Variants in MYH6 observed in about 807,000 individuals in gnomAD.
MYH6 encodes myosin heavy chain 6.
MYH6 carries 126 observed loss-of-function variants against 223.2 expected under a neutral mutation model. The ratio of observed to expected loss-of-function variants is 0.56; its 90% CI spans 0.49 to 0.65. MYH6 has a LOEUF of 0.65. Among genes scored for constraint, MYH6 ranks in the 30% least tolerant of loss-of-function variants. The pLI is 0.00. For missense variants in MYH6, 2,040 were observed against 2,536.4 expected, an observed-to-expected ratio of 0.80 and a Z score of 4.20; for synonymous variants, 978 against 1,010.2, an observed-to-expected ratio of 0.97 and a Z score of 0.61.
In MYH6 at chr14:23,400,783, C is replaced by T. The variant is rs556536964; in HGVS notation, c.1336G>A (p.Ala446Thr). ...CGTGGCTGCTTGGTCTCCAGGGTGG[C>T]GTTGATGCGCGTCACCATCCAGTTG... ...MFNWMVTRIN[A>T]TLETKQPRQY... The change falls in exon 13 of 39, where the codon GCC becomes ACC. Residue 446 changes from alanine to threonine, a missense_variant. By Grantham distance (58) the Ala-to-Thr change is moderately conservative (BLOSUM62 0). Coordinates refer to ENST00000405093, the MANE Select transcript of MYH6 (RefSeq NM_002471.4). The T allele has an allele frequency of 3.7e-5, 59 of 1,614,220 alleles. No homozygotes were observed. In the East Asian group the frequency reaches 9.6e-4, roughly 26 times the overall value.
Position 23,387,828 on chromosome 14 carries a change from C to T in MYH6, c.4455G>A (p.Lys1485=), listed in dbSNP as rs376316942. ...EARSLSTELF[K]LKNAYEESLE... is the part of the protein sequence containing the mutation. The stretch of plus-strand genomic sequence containing the variant: ...GGGACTCCTCGTAGGCGTTCTTGAG[C>T]TTGAAGAGCTCTGTGCTGAGGGAGC... The change falls in exon 31 of 39, where the codon AAG becomes AAA. Residue 1485 remains lysine, a synonymous_variant. Transcript: ENST00000405093. The T allele has an allele frequency of 4.6e-5, 74 of 1,613,994 alleles. No homozygotes were observed. Among genetic ancestry groups the T allele is most frequent in the Admixed American group, 1.3e-4 (8 of 59,990 alleles).
intron 11 of MYH6, 21 bp downstream of exon 11, chr14:23,402,676 C>A: frequency 6.2e-7 from 1 of 1,613,478 alleles, no homozygotes. Context: ...CTCGAACGGC[C>A]GCAGCAGCCC....
rs374951442 is a variant in MYH6 at position 23,406,975 on chromosome 14, C to G, written c.201+48G>C. ...GCAAGTGGCTCCACCTCTGCATCTT[C>G]TTTCCCAGACCTCCTTCCCTTCTGC... On this transcript the variant is annotated intron_variant, in intron 3 of 38. Transcript: ENST00000405093. 41 of 1,600,580 alleles carry G rather than the reference C, an allele frequency of 2.6e-5. No individual in the cohort carries two copies. In the African/African-American group the frequency reaches 5.2e-4, roughly 20 times the overall value.
rs1298835458 is a variant in MYH6, at chr14:23,384,542, C to A, written c.5465G>T (p.Arg1822Leu). Reference protein sequence around the residue: ...KQLQKLEARVRELEGELEAEQ... With the variant: ...KQLQKLEARVLELEGELEAEQ... The stretch of plus-strand genomic sequence containing the variant: ...GGCCTCCAGCTCACCCTCCAGCTCC[C>A]GCACCCGCGCTTCCAGCTTCTGCAG... Residue 1822 changes from arginine to leucine, a missense_variant, in exon 36 of 39, where the codon CGG becomes CTG. Around this residue, in one of 4 missense-constraint regions of MYH6, gnomAD observed 1,203 missense variants for 1,400.2 expected, o/e 0.86. Transcript: ENST00000405093. 6.2e-7 allele frequency: 1 copy of A among 1,613,434 alleles called. No individual in the cohort carries two copies. The highest frequency in any genetic ancestry group is 1.7e-5 in the Admixed American group (1 of 60,022).
intron 7 of MYH6, 89 bp downstream of exon 7, chr14:23,404,622 C>T (rs1595063969): frequency 1.5e-6 from 2 of 1,327,268 alleles, no homozygotes; most frequent in Non-Finnish European, 1.1e-6. Flanking sequence ...GCTGTCCCCA[C>T]CACGTCACAG....
rs1169251131 is a variant in MYH6 at position 23,404,445 on chromosome 14, G to T, written c.643-57C>A. ...CCTCCATCCACCTCCAGGCAGTGGT[G>T]AGAGGGCAGGGAGGCTGCCCTGGCC... On this transcript the variant is annotated intron_variant, in intron 7 of 38. Transcript: ENST00000405093. The T allele has an allele frequency of 2.5e-6, 4 of 1,599,442 alleles. No homozygotes were observed. In the African/African-American group the frequency reaches 5.4e-5, roughly 21 times the overall value.
intron 13 of MYH6, 39 bp from the exon 14 acceptor site, chr14:23,400,465 G>T (rs1457455243): frequency 1.2e-6 from 2 of 1,613,752 alleles, no homozygotes; most frequent in South Asian, 1.1e-5. Context: ...TCAGAAAGTG[G>T]GTGTGAGTGG....
chr14:23,392,443 T>C (rs944844526), intron 25 of MYH6, 119 bp downstream of exon 25: 3 of 825,544 alleles, frequency 3.6e-6, no homozygotes, highest in Admixed American at 3.4e-5. Flanking sequence ...CAGGGATGGT[T>C]GGGTCTATGA....
rs1891035002 is a variant in MYH6 at position 23,386,641 on chromosome 14, G to A, written c.4651-18C>T. On this transcript the variant is annotated intron_variant, in intron 32 of 38. Coordinates refer to ENST00000405093, the MANE Select transcript of MYH6 (RefSeq NM_002471.4). ...AGGGAGGCCTGGGAAGGGGTGGGGC[G>A]AGGGCGGGCAGACAGGGCACAGGGC... 4.5e-6 allele frequency: 7 copies of A among 1,542,656 alleles called. No homozygotes were observed. Among genetic ancestry groups the A allele is most frequent in the Non-Finnish European group, 6.3e-6 (7 of 1,119,586 alleles).
chr14:23,389,477 C>A lies in MYH6; in HGVS notation c.3894G>T (p.Ala1298=). ...ELARQLEEKE[A]LISQLTRGKL... Reference sequence around the variant, plus strand: ...TCCCCCGGGTCAGCTGCGAGATTAGCGCCTCCTTTTCCTCTAGCTGCCGGG... The same window carrying A: ...TCCCCCGGGTCAGCTGCGAGATTAGAGCCTCCTTTTCCTCTAGCTGCCGGG... Residue 1298 remains alanine, a synonymous_variant, in exon 28 of 39, where the codon GCG becomes GCT. Coordinates refer to ENST00000405093, the MANE Select transcript of MYH6 (RefSeq NM_002471.4). 6.2e-7 allele frequency: 1 copy of A among 1,614,190 alleles called. No individual in the cohort carries two copies. Among genetic ancestry groups the A allele is most frequent in the Non-Finnish European group, 8.5e-7 (1 of 1,180,034 alleles).
chr14:23,387,986 C>G, intron 30 of MYH6, 63 bp from the exon 31 acceptor site: 1 of 1,607,914 alleles, frequency 6.2e-7, no homozygotes, highest in East Asian at 2.2e-5. Flanking sequence ...CTCCTGCTTC[C>G]CAGTGCCCCA....
At chr14:23,404,164 T>A in intron 8 of MYH6, 132 bp downstream of exon 8, 1 of 1,151,770 alleles carries the variant, frequency 8.7e-7, no homozygotes, top group Non-Finnish European at 1.3e-6. Flanking sequence ...GCCTATGCTC[T>A]CTTCCCACCA....
chr14:23,387,551 T>C lies in MYH6; in HGVS notation c.4628A>G (p.Gln1543Arg). The C allele has an allele frequency of 6.2e-7, 1 of 1,614,036 alleles. No individual in the cohort carries two copies. Among genetic ancestry groups the C allele is most frequent in the Non-Finnish European group, 8.5e-7 (1 of 1,180,020 alleles). Residue 1543 changes from glutamine (Q) to arginine (R), a missense_variant, in exon 32 of 39, where the codon CAG (glutamine) becomes CGG (arginine). Around this residue, in one of 4 missense-constraint regions of MYH6, gnomAD observed 1,203 missense variants for 1,400.2 expected, o/e 0.86. Coordinates refer to ENST00000405093, the MANE Select transcript of MYH6 (RefSeq NM_002471.4). ...KQLEVEKLEL[Q>R]SALEEAEASL... ...CACCTCTGCCTCCTCCAGGGCTGAC[T>C]GCAGCTCCAGCTTCTCCACCTCCAG...
At position 23,389,622 on chromosome 14, in the gene MYH6, G is replaced by T; in HGVS notation, c.3830C>A (p.Thr1277Asn). The T allele has an allele frequency of 6.2e-7, 1 of 1,614,240 alleles. No homozygotes were observed. Among genetic ancestry groups the T allele is most frequent in the Non-Finnish European group, 8.5e-7 (1 of 1,180,048 alleles). Residue 1277 changes from threonine (T) to asparagine (N), a missense_variant, in exon 27 of 39, where the codon ACC becomes AAC. Around this residue, in one of 4 missense-constraint regions of MYH6, gnomAD observed 1,203 missense variants for 1,400.2 expected, o/e 0.86. Coordinates refer to ENST00000405093, the MANE Select transcript of MYH6 (RefSeq NM_002471.4). ...CTCGGTCTGCAGCTTGGCTCGCTGG[G>T]TGGTGAAATCATTGAGGGAGCGTTG... Reference protein sequence around the residue: ...EAQRSLNDFTTQRAKLQTENG... With the variant: ...EAQRSLNDFTNQRAKLQTENG...
Position 23,402,732 on chromosome 14 carries a change from A to C in MYH6, c.967T>G (p.Ser323Ala), listed in dbSNP as rs1452932809. The change falls in exon 11 of 39, where the codon TCC (serine) becomes GCC (alanine). Residue 323 changes from serine to alanine, a missense_variant. Transcript: ENST00000405093. ...ATGAGCTCCTCGGAGTCATCAATGG[A>C]GGCCACGGACACCTCTCCCTGAGAC... is the stretch of plus-strand genomic sequence containing the variant. ...FVSQGEVSVA[S>A]IDDSEELMAT... 6.2e-7 allele frequency: 1 copy of C among 1,613,536 alleles called. No homozygotes were observed. The highest frequency in any genetic ancestry group is 1.7e-5 in the Admixed American group (1 of 59,976).
intron 23 of MYH6, 47 bp downstream of exon 23, chr14:23,393,295 C>T: frequency 6.2e-7 from 1 of 1,612,684 alleles, no homozygotes. Context: ...TTGGTGTTGC[C>T]TGCAAAATCT....
Position 23,400,815 on chromosome 14 carries a change from T to C in MYH6, c.1304A>G (p.Lys435Arg). 5.0e-6 allele frequency: 8 copies of C among 1,614,194 alleles called. No individual in the cohort carries two copies. Among genetic ancestry groups the C allele is most frequent in the Non-Finnish European group, 6.8e-6 (8 of 1,180,028 alleles). ...IGALAKAVYE[K>R]MFNWMVTRIN... Reference sequence around the variant, plus strand: ...GCGCGTCACCATCCAGTTGAACATCTTCTCATACACTGCCTTGGCCAGAGC... The same window carrying C: ...GCGCGTCACCATCCAGTTGAACATCCTCTCATACACTGCCTTGGCCAGAGC... The change falls in exon 13 of 39, where the codon AAG (lysine) becomes AGG (arginine). Residue 435 changes from lysine to arginine, a missense_variant. Lys to Arg is a conservative substitution (Grantham distance 26). Coordinates refer to ENST00000405093, the MANE Select transcript of MYH6 (RefSeq NM_002471.4).
chr14:23,399,332 C>T lies in MYH6; in HGVS notation c.1582-295G>A, dbSNP rs139315717. On this transcript the variant is annotated intron_variant, in intron 14 of 38. Transcript: ENST00000405093. Reference sequence around the variant, plus strand: ...CCCCTTCTCTCTGATGGCTCACTGCCCCAGGGGCAGGAGGGCAGGGACAGA... The same window carrying T: ...CCCCTTCTCTCTGATGGCTCACTGCTCCAGGGGCAGGAGGGCAGGGACAGA... Among the ~76,000 whole-genome samples, 335 of 152,236 alleles carry T rather than the reference C, an allele frequency of 2.2e-3. 1 individual carries two copies. The highest frequency in any genetic ancestry group is 7.4e-3 in the African/African-American group (309 of 41,522).
At chr14:23,386,173 G>T (rs1319506637) in intron 33 of MYH6, 42 bp from the exon 34 acceptor site, 1 of 1,613,820 alleles carries the variant, frequency 6.2e-7, no homozygotes, top group Admixed American at 1.7e-5. Flanking sequence ...GCCAGCCTCG[G>T]TGCCCTTCAC....
Sources: allele counts gnomAD v4.1 joint callset (sites outside exome capture counted in the v4.1 genomes callset), GRCh38; gene constraint gnomAD v4.1.1; regional missense constraint gnomAD v4.1.1; transcripts MANE v1.5; gene names NCBI Gene and HGNC (gene_info 2026-07-23, HGNC 2026-07-21).